The following MIS18A variants were observed in gnomAD, a reference collection of about 807,000 sequenced individuals.
The protein encoded by MIS18A is protein Mis18-alpha.
MIS18A carries 14 observed loss-of-function variants against 25.0 expected under a neutral mutation model. The ratio of observed to expected loss-of-function variants is 0.56; its 90% CI spans 0.37 to 0.88. The LOEUF is 0.88. Among genes scored for constraint, MIS18A ranks in the 40% least tolerant of loss-of-function variants. The pLI is 0.00. For synonymous variants in MIS18A, 134 were observed against 118.6 expected, an observed-to-expected ratio of 1.13 and a Z score of -0.84; for missense variants, 292 against 290.8, an observed-to-expected ratio of 1.00 and a Z score of -0.03.
chr21:32,231,033 G>C, the MIS18A span, among the ~76,000 whole-genome samples: 1 of 151,688 alleles, frequency 6.6e-6, no homozygotes, highest in Non-Finnish European at 1.5e-5. Flanking sequence ...CCAGGAGTTC[G>C]AGACCAGCCT....
chr21:32,165,581 T>G, the MIS18A span, among the ~76,000 whole-genome samples: 2 of 144,714 alleles, frequency 1.4e-5, no homozygotes, highest in South Asian at 4.3e-4. Context: ...CTGTTCTTCA[T>G]GAACACCAGC....
chr21:32,269,785 A>G lies in MIS18A; in HGVS notation c.543T>C (p.Ser181=), dbSNP rs1569013661. 1 of 1,607,744 alleles carries G rather than the reference A, an allele frequency of 6.2e-7. No individual in the cohort carries two copies. The change falls in exon 4 of 5, where the codon TCT becomes TCC. Residue 181 remains serine (S), a synonymous_variant. Transcript: ENST00000290130. ...EAIESYVLGS[S]EKQIVSEDKE... ...TATCTTCTGACACAATTTGCTTTTC[A>G]GAGGACCCTAAAACATAACTGAAGT...
At chr21:32,213,309 G>C in the MIS18A span, among the ~76,000 whole-genome samples, 40 of 152,096 alleles carry the variant, frequency 2.6e-4, no homozygotes, top group African/African-American at 2.4e-5. Context: ...CACATAGATA[G>C]ACAAAAGGAA....
the MIS18A span, among the ~76,000 whole-genome samples, chr21:32,156,210 C>T: frequency 6.6e-6 from 1 of 152,154 alleles, no homozygotes; most frequent in Admixed American, 6.5e-5. Flanking sequence ...TTTAGCAGCT[C>T]CTTACAATTA....
the MIS18A span, among the ~76,000 whole-genome samples, chr21:32,203,262 A>C: frequency 6.6e-6 from 1 of 152,074 alleles, no homozygotes; most frequent in Non-Finnish European, 1.5e-5. Context: ...AAAATAAAGA[A>C]GAAAAAATTA....
downstream of MIS18A, among the ~76,000 whole-genome samples, chr21:32,264,653 G>A (rs908310164): frequency 4.6e-5 from 7 of 152,122 alleles, no homozygotes; most frequent in African/African-American, 1.7e-4. Flanking sequence ...TGGATTTCTG[G>A]TTGCTACCCC....
the MIS18A span, among the ~76,000 whole-genome samples, chr21:32,160,479 A>G: frequency 1.3e-5 from 2 of 152,096 alleles, no homozygotes; most frequent in Admixed American, 6.5e-5. Flanking sequence ...GCTCCTGACA[A>G]CATGTGTCCA....
chr21:32,180,252 A>G, the MIS18A span, among the ~76,000 whole-genome samples: 2 of 152,268 alleles, frequency 1.3e-5, no homozygotes, highest in Middle Eastern at 3.4e-3. Context: ...CTGTGGATCA[A>G]TTTCAGAAGT....
At chr21:32,241,827 C>A in the MIS18A span, among the ~76,000 whole-genome samples, 46 of 152,346 alleles carry the variant, frequency 3.0e-4, no homozygotes, top group African/African-American at 1.0e-3. Flanking sequence ...CAAAGAAATT[C>A]TTCTGTGTTG....
chr21:32,170,683 A>G, the MIS18A span, among the ~76,000 whole-genome samples: 53 of 152,024 alleles, frequency 3.5e-4, 1 homozygote, highest in Admixed American at 3.5e-3. Flanking sequence ...GTGAGTCCCA[A>G]AAGGAATATA....
At chr21:32,247,381 A>G in the MIS18A span, among the ~76,000 whole-genome samples, 1 of 152,162 alleles carries the variant, frequency 6.6e-6, no homozygotes, top group African/African-American at 2.4e-5. Flanking sequence ...CTTTGCAGAG[A>G]GAAGAAAAGA....
chr21:32,255,470 T>A, the MIS18A span, among the ~76,000 whole-genome samples: 1 of 151,702 alleles, frequency 6.6e-6, no homozygotes, highest in Non-Finnish European at 1.5e-5. Context: ...TGACCTCAAG[T>A]GATTTGCCCA....
intron 2 of MIS18A, among the ~76,000 whole-genome samples, chr21:32,272,373 C>A (rs191801405): frequency 1.2e-3 from 181 of 152,320 alleles, no homozygotes; most frequent in African/African-American, 4.2e-3. Flanking sequence ...CAAAGCAACA[C>A]GGGAGTGTGC....
the MIS18A span, among the ~76,000 whole-genome samples, chr21:32,223,933 T>C: frequency 6.6e-6 from 1 of 152,162 alleles, no homozygotes; most frequent in Non-Finnish European, 1.5e-5. Flanking sequence ...CCCACTACAA[T>C]CAAGTTGGCT....
the MIS18A span, among the ~76,000 whole-genome samples, chr21:32,233,560 G>C: frequency 6.6e-6 from 1 of 152,224 alleles, no homozygotes; most frequent in African/African-American, 2.4e-5. Context: ...ATTCTGGTCA[G>C]AATTACTCAG....
chr21:32,266,709 G>C (rs1390873716), downstream of MIS18A, among the ~76,000 whole-genome samples: 2 of 151,244 alleles, frequency 1.3e-5, no homozygotes, highest in African/African-American at 2.4e-5. Flanking sequence ...CATCAGAAGG[G>C]ACAGACTCCA....
At chr21:32,258,487 T>A in the MIS18A span, among the ~76,000 whole-genome samples, 1 of 152,128 alleles carries the variant, frequency 6.6e-6, no homozygotes, top group East Asian at 1.9e-4. Context: ...ACTGTGGTTG[T>A]GAACAGGCTG....
At chr21:32,225,265 C>A in the MIS18A span, among the ~76,000 whole-genome samples, 1 of 114,534 alleles carries the variant, frequency 8.7e-6, no homozygotes, top group African/African-American at 4.2e-5. Context: ...CAACAAAAGA[C>A]AAAATTGACA....
the MIS18A span, among the ~76,000 whole-genome samples, chr21:32,188,220 G>A: frequency 1.3e-5 from 2 of 152,208 alleles, no homozygotes; most frequent in African/African-American, 2.4e-5. Context: ...CCAAGCTGAC[G>A]AAGACAGCCA....
Sources: gnomAD v4.1 joint callset for allele counts (sites outside exome capture counted in the v4.1 genomes callset) on GRCh38, gnomAD v4.1.1 for gene constraint, MANE v1.5 for transcripts, NCBI Gene and HGNC (gene_info 2026-07-23, HGNC 2026-07-21) for gene names.